Variants in TNN observed in about 807,000 individuals in gnomAD.
TNN encodes tenascin N.
Under a neutral mutation model 134.4 loss-of-function variants are expected in TNN, and 122 were observed. The ratio of observed to expected loss-of-function variants is 0.91; its 90% CI spans 0.78 to 1.06. The LOEUF is 1.06. Among genes scored for constraint, TNN ranks in the 50% least tolerant of loss-of-function variants. The pLI is 0.00. For synonymous variants in TNN, 710 were observed against 670.3 expected (o/e 1.06, Z -0.91); for missense variants, 1,739 against 1,699.4 (o/e 1.02, Z -0.41).
chr1:175,108,473 G>A (rs1207270452), intron 9 of TNN, among the ~76,000 whole-genome samples: 1 of 152,254 alleles, frequency 6.6e-6, no homozygotes, highest in Non-Finnish European at 1.5e-5. Flanking sequence ...GTCAGCCCTT[G>A]GGTGGTCGAT....
intron 10 of TNN, among the ~76,000 whole-genome samples, chr1:175,117,655 A>G (rs1341202123): frequency 6.6e-6 from 1 of 152,258 alleles, no homozygotes; most frequent in Non-Finnish European, 1.5e-5. Context: ...TATAAAACAT[A>G]TTTATAACTA....
rs1326355164 is a variant in TNN at position 175,102,356 on chromosome 1, T to G, written c.2119+3761T>G. 1.4e-5 allele frequency among the ~76,000 whole-genome samples: 2 copies of G among 145,894 alleles called. 1 individual carries two copies. Among genetic ancestry groups the G allele is most frequent in the Non-Finnish European group, 3.0e-5 (2 of 65,672 alleles). On this transcript the variant is annotated intron_variant, in intron 9 of 18. Coordinates refer to ENST00000239462, the MANE Select transcript of TNN (RefSeq NM_022093.2). ...CTGGGTGCCATGGAGCAGGGGATGGTATTCGTCGGGGAGGCTCGGGCTGCA... is the reference window on the plus strand; with the variant it reads ...CTGGGTGCCATGGAGCAGGGGATGGGATTCGTCGGGGAGGCTCGGGCTGCA...
chr1:175,141,792 C>A lies in TNN; in HGVS notation c.3596-2595C>A, dbSNP rs1197561506. On this transcript the variant is annotated intron_variant, in intron 17 of 18. Transcript: ENST00000239462. ...ATCCCCTCTGAGTTTGGGCACAGAC[C>A]TTTCATGGGCCTGCCATGAACCCCT... is the stretch of plus-strand genomic sequence containing the variant. Among the ~76,000 whole-genome samples, 29 of 152,162 alleles carry A rather than the reference C, an allele frequency of 1.9e-4. 1 individual carries two copies. The highest frequency in any genetic ancestry group is 1.9e-3 in the Admixed American group (29 of 15,272).
intron 1 of TNN, among the ~76,000 whole-genome samples, chr1:175,076,407 T>C (rs1674040396): frequency 1.3e-5 from 2 of 152,182 alleles, no homozygotes; most frequent in Admixed American, 6.5e-5. Flanking sequence ...AGCCCAGTCC[T>C]GTCCTTAACA....
At chr1:175,084,368 G>A (rs1377142756) in intron 5 of TNN, among the ~76,000 whole-genome samples, 1 of 152,072 alleles carries the variant, frequency 6.6e-6, no homozygotes, top group Non-Finnish European at 1.5e-5. Flanking sequence ...TTGTGTTGGG[G>A]GATGTGGAGG....
At chr1:175,131,872 C>T (rs1402710966) in intron 15 of TNN, among the ~76,000 whole-genome samples, 2 of 148,902 alleles carry the variant, frequency 1.3e-5, no homozygotes, top group Non-Finnish European at 3.0e-5. Context: ...GCAAAGAGCA[C>T]CAGAATCATT....
intron 9 of TNN, among the ~76,000 whole-genome samples, chr1:175,101,334 G>A (rs1341977359): frequency 2.6e-5 from 4 of 151,988 alleles, no homozygotes; most frequent in African/African-American, 9.7e-5. Context: ...CTCCCGGTGG[G>A]CTCGTGGTCT....
chr1:175,123,741 G>A lies in TNN; in HGVS notation c.2914+78G>A. On this transcript the variant is annotated intron_variant, in intron 12 of 18. Transcript: ENST00000239462. ...CTTCCTCCATCAGTGGGCTGGGGAGGGGAGCAGGAGGGTGGTTGCTTTACC... is the reference window on the plus strand; with the variant it reads ...CTTCCTCCATCAGTGGGCTGGGGAGAGGAGCAGGAGGGTGGTTGCTTTACC... 1.9e-6 allele frequency: 3 copies of A among 1,581,336 alleles called. No individual in the cohort carries two copies. In the South Asian group the frequency reaches 3.5e-5, roughly 18 times the overall value.
chr1:175,074,326 A>T (rs1354784062), intron 1 of TNN, among the ~76,000 whole-genome samples: 2 of 152,078 alleles, frequency 1.3e-5, no homozygotes, highest in Non-Finnish European at 2.9e-5. Flanking sequence ...CCACAAAAAA[A>T]ATACAAAAAT....
intron 9 of TNN, among the ~76,000 whole-genome samples, chr1:175,106,346 G>C (rs1337715284): frequency 6.9e-6 from 1 of 145,594 alleles, no homozygotes; most frequent in African/African-American, 2.5e-5. Context: ...CAATTTCTGA[G>C]GCTCCCCATA....
At chr1:175,086,494 T>C (rs1674326386) in intron 6 of TNN, among the ~76,000 whole-genome samples, 1 of 152,246 alleles carries the variant, frequency 6.6e-6, no homozygotes, top group Non-Finnish European at 1.5e-5. Flanking sequence ...TGGAAACCTG[T>C]GATCTAGAAC....
intron 9 of TNN, among the ~76,000 whole-genome samples, chr1:175,107,023 C>T (rs1374376882): frequency 6.8e-6 from 1 of 146,162 alleles, no homozygotes; most frequent in Non-Finnish European, 1.5e-5. Flanking sequence ...GTACTCACTG[C>T]TTGGCGATTG....
In TNN at chr1:175,126,263, G is replaced by A. The variant is rs537804280; in HGVS notation, c.2915-692G>A. ...ATGACAGGCGACCACCACCATACCC[G>A]GCTAATTTTTGTATGTTTGGTAGAG... On this transcript the variant is annotated intron_variant, in intron 12 of 18. Transcript: ENST00000239462. Among the ~76,000 whole-genome samples the A allele has an allele frequency of 1.3e-5, 2 of 151,708 alleles. 1 individual carries two copies. The highest frequency in any genetic ancestry group is 4.2e-4 in the South Asian group (2 of 4,784).
chr1:175,111,624 G>C (rs1204930912), intron 9 of TNN, among the ~76,000 whole-genome samples: 1 of 150,052 alleles, frequency 6.7e-6, no homozygotes, highest in African/African-American at 2.5e-5. Flanking sequence ...CCCATTCATA[G>C]ACATAGGATA....
Position 175,136,934 on chromosome 1 carries a change from GC to G in TNN, c.3543del (p.Ser1182ProfsTer8), listed in dbSNP as rs1404232737. 1.9e-6 allele frequency: 3 copies of G among 1,614,170 alleles called. No individual in the cohort carries two copies. The highest frequency in any genetic ancestry group is 2.5e-6 in the Non-Finnish European group (3 of 1,180,018). On this transcript the variant is annotated frameshift_variant, in exon 17 of 19. Coordinates refer to ENST00000239462, the MANE Select transcript of TNN (RefSeq NM_022093.2). LOFTEE classifies it high-confidence loss of function. ...TGCTATATATGATTTCTTCCAAGTG[GC>G]CTCCAGCAAGGAGCGGTATAAGCTG... Reference protein sequence around the residue: ...AYAIYDFFQVASSKERYKLTV... With the variant: ...AYAIYDFFQVXSSKERYKLTV...
At chr1:175,068,377 A>T in intron 1 of TNN, among the ~76,000 whole-genome samples, 1 of 152,136 alleles carries the variant, frequency 6.6e-6, no homozygotes, top group South Asian at 2.1e-4. Context: ...AAATCCTAAA[A>T]CAGAATTGTT....
rs191245330 is a variant in TNN, at chr1:175,068,081, G to C, written c.-36+146G>C. On this transcript the variant is annotated intron_variant, in intron 1 of 18. Transcript: ENST00000239462. ...ATTAGTCTCCTATCACCTCCATGAA[G>C]AGTTAAAATGAATTGGGAAGTACCT... The C allele has an allele frequency of 5.8e-4, 225 of 385,106 alleles. 1 individual carries two copies. Among genetic ancestry groups the C allele is most frequent in the Non-Finnish European group, 9.5e-4 (183 of 191,688 alleles). The allele number at this position is 385,106 out of a possible 1,614,324, so 23.9% of individuals were successfully genotyped here.
intron 9 of TNN, 107 bp downstream of exon 9, chr1:175,098,702 T>C: frequency 1.3e-6 from 2 of 1,508,778 alleles, no homozygotes; most frequent in Non-Finnish European, 1.8e-6. Flanking sequence ...GAAGAGCAGG[T>C]TGGTATCCTC....
At chr1:175,074,010 AG>A (rs1447764845) in intron 1 of TNN, among the ~76,000 whole-genome samples, 2 of 152,226 alleles carry the variant, frequency 1.3e-5, no homozygotes, top group Admixed American at 1.3e-4. Flanking sequence ...TCTGAGTTTC[AG>A]TCCTCTCACA....
Sources: gnomAD v4.1 joint callset for allele counts (sites outside exome capture counted in the v4.1 genomes callset) on GRCh38, gnomAD v4.1.1 for gene constraint, MANE v1.5 for transcripts, NCBI Gene and HGNC (gene_info 2026-07-23, HGNC 2026-07-21) for gene names.